The following RBMS3 variants were observed in gnomAD, a reference collection of about 807,000 sequenced individuals.
RBMS3 encodes the protein RNA binding motif single stranded interacting protein 3.
In RBMS3, 27 loss-of-function variants were observed where a neutral mutation model predicts 66.8. The observed-to-expected ratio is 0.40, with a 90% CI of 0.30 to 0.56. The LOEUF (loss-of-function observed/expected upper bound fraction) is 0.56, where lower values mean the gene tolerates loss of function less well. Ranked by LOEUF, RBMS3 falls within the 20% of genes least tolerant of loss-of-function variation. RBMS3 has a pLI of 0.40. For synonymous variants in RBMS3, 188 were observed against 183.0 expected (o/e 1.03, Z -0.22); for missense variants, 513 against 549.5 (o/e 0.93, Z 0.66).
chr3:29,376,009 T>A (rs1273693042), intron 1 of RBMS3, among the ~76,000 whole-genome samples: 2 of 152,060 alleles, frequency 1.3e-5, no homozygotes, highest in African/African-American at 2.4e-5. Context: ...TATGGAATAC[T>A]ATGAAAAGGA....
intron 6 of RBMS3, among the ~76,000 whole-genome samples, chr3:29,800,868 T>C (rs528140997): frequency 1.1e-4 from 16 of 152,238 alleles, no homozygotes; most frequent in Non-Finnish European, 2.4e-4. Context: ...TCTCAAATTT[T>C]CCCAGTTCAT....
At chr3:29,567,740 C>CAATTTTTGGT (rs1181378484) in intron 3 of RBMS3, among the ~76,000 whole-genome samples, 1 of 152,118 alleles carries the variant, frequency 6.6e-6, no homozygotes, top group African/African-American at 2.4e-5. Context: ...TTCCTCATAG[C>CAATTTTTGGT]CTCTCTCTGT....
chr3:29,507,058 C>T (rs1207852709), intron 3 of RBMS3, among the ~76,000 whole-genome samples: 1 of 143,410 alleles, frequency 7.0e-6, no homozygotes, highest in African/African-American at 2.5e-5. Context: ...TATTGTTTTT[C>T]TAGTTCTGCT....
At chr3:29,862,662 G>A (rs936070891) in intron 6 of RBMS3, among the ~76,000 whole-genome samples, 2 of 151,946 alleles carry the variant, frequency 1.3e-5, no homozygotes, top group African/African-American at 2.4e-5. Flanking sequence ...TCCAGGCAGG[G>A]AGGAACTGCC....
chr3:29,329,761 TTTG>T (rs2035541928), intron 1 of RBMS3, among the ~76,000 whole-genome samples: 1 of 150,706 alleles, frequency 6.6e-6, no homozygotes, highest in Non-Finnish European at 1.5e-5. Flanking sequence ...TAATGGAATT[TTTG>T]TTCCTGACAT....
chr3:29,329,545 A>T (rs79889949), intron 1 of RBMS3, among the ~76,000 whole-genome samples: 2 of 152,266 alleles, frequency 1.3e-5, no homozygotes, highest in East Asian at 3.9e-4. Flanking sequence ...AGAATATCAT[A>T]TAGAAAACTG....
chr3:29,702,308 T>C (rs561279370), intron 4 of RBMS3, among the ~76,000 whole-genome samples: 1 of 152,068 alleles, frequency 6.6e-6, no homozygotes, highest in East Asian at 1.9e-4. Context: ...TGGAGAACTT[T>C]TGTGTCTAGC....
chr3:29,520,359 T>G (rs1442215044), intron 3 of RBMS3, among the ~76,000 whole-genome samples: 1 of 152,222 alleles, frequency 6.6e-6, no homozygotes, highest in Non-Finnish European at 1.5e-5. Flanking sequence ...TTCCTTTTAC[T>G]TTCTAAAAAT....
At chr3:29,491,850 G>A (rs557483395) in intron 3 of RBMS3, among the ~76,000 whole-genome samples, 5 of 152,232 alleles carry the variant, frequency 3.3e-5, no homozygotes, top group African/African-American at 4.8e-5. Context: ...AAAATTAGCC[G>A]GGCGTGGTGG....
At chr3:29,906,445 A>G (rs1260313936) in intron 10 of RBMS3, among the ~76,000 whole-genome samples, 1 of 152,112 alleles carries the variant, frequency 6.6e-6, no homozygotes, top group Non-Finnish European at 1.5e-5. Context: ...ATCTAATTCC[A>G]TGGCAACATT....
chr3:29,704,111 A>C (rs914207990), intron 4 of RBMS3, among the ~76,000 whole-genome samples: 2 of 152,202 alleles, frequency 1.3e-5, no homozygotes, highest in Admixed American at 6.5e-5. Context: ...TTGATTCTAC[A>C]TTAGAGTGAG....
chr3:29,664,424 G>T (rs766054335), intron 4 of RBMS3, among the ~76,000 whole-genome samples: 15 of 152,038 alleles, frequency 9.9e-5, no homozygotes, highest in Non-Finnish European at 2.1e-4. Context: ...GGAGGCAAAG[G>T]TTGCAGTGAG....
intron 1 of RBMS3, among the ~76,000 whole-genome samples, chr3:29,324,608 A>T (rs1365328091): frequency 6.6e-6 from 1 of 152,138 alleles, no homozygotes; most frequent in Non-Finnish European, 1.5e-5. Flanking sequence ...CTTCCTTGTT[A>T]TGCTCTCCCA....
At chr3:29,371,573 T>G (rs1019974607) in intron 1 of RBMS3, among the ~76,000 whole-genome samples, 6 of 152,224 alleles carry the variant, frequency 3.9e-5, no homozygotes, top group Non-Finnish European at 8.8e-5. Context: ...TAGTGTTTGT[T>G]GTTTATATAA....
intron 13 of RBMS3, among the ~76,000 whole-genome samples, chr3:29,989,675 A>G (rs902518937): frequency 4.6e-5 from 7 of 152,234 alleles, no homozygotes; most frequent in African/African-American, 1.7e-4. Context: ...ATGGAAATCA[A>G]GGAGTTCCAA....
At chr3:29,876,292 A>G (rs1253886409) in intron 7 of RBMS3, among the ~76,000 whole-genome samples, 1 of 152,214 alleles carries the variant, frequency 6.6e-6, no homozygotes, top group East Asian at 1.9e-4. Context: ...TATCTCTTTG[A>G]CCAATCAAAG....
intron 6 of RBMS3, among the ~76,000 whole-genome samples, chr3:29,848,533 T>C (rs2058847420): frequency 6.6e-6 from 1 of 152,196 alleles, no homozygotes; most frequent in Non-Finnish European, 1.5e-5. Context: ...ATCTAAGCCT[T>C]TTATTTGTAA....
chr3:29,858,943 G>A (rs187185272), intron 6 of RBMS3, among the ~76,000 whole-genome samples: 208 of 152,142 alleles, frequency 1.4e-3, no homozygotes, highest in Non-Finnish European at 1.9e-3. Context: ...TGCTTTTATC[G>A]TCACTGTGGG....
intron 8 of RBMS3, among the ~76,000 whole-genome samples, chr3:29,892,274 C>G (rs959993770): frequency 6.6e-5 from 10 of 151,534 alleles, no homozygotes; most frequent in African/African-American, 9.7e-5. Flanking sequence ...CTCTTAGCCA[C>G]TTTGCATTTA....
Sources: gnomAD v4.1 joint callset for allele counts (sites outside exome capture counted in the v4.1 genomes callset) on GRCh38, gnomAD v4.1.1 for gene constraint, MANE v1.5 for transcripts, NCBI Gene and HGNC (gene_info 2026-07-23, HGNC 2026-07-21) for gene names.